The following NRXN3 variants were observed in gnomAD, a reference collection of about 807,000 sequenced individuals.
NRXN3 encodes neurexin 3, also known as neurexin III.
Under a neutral mutation model 137.6 loss-of-function variants are expected in NRXN3, and 32 were observed. The observed-to-expected ratio is 0.23, with a 90% CI of 0.18 to 0.31. The LOEUF (loss-of-function observed/expected upper bound fraction) is 0.31. Ranked by LOEUF, NRXN3 falls within the 10% of genes least tolerant of loss-of-function variation. The pLI is 1.00. For missense variants in NRXN3, 1,574 were observed against 2,062.5 expected (o/e 0.76, Z 4.59); for synonymous variants, 798 against 784.5 (o/e 1.02, Z -0.29).
At chr14:79,437,501 C>T (rs548157074) in intron 15 of NRXN3, among the ~76,000 whole-genome samples, 1 of 152,098 alleles carries the variant, frequency 6.6e-6, no homozygotes, top group South Asian at 2.1e-4. Flanking sequence ...TTTGCATTGT[C>T]TTTGCTGCAG....
At chr14:79,753,468 G>A (rs958366644) in intron 19 of NRXN3, among the ~76,000 whole-genome samples, 13 of 149,766 alleles carry the variant, frequency 8.7e-5, no homozygotes, top group African/African-American at 3.2e-4. Context: ...ACTATCGCAA[G>A]GACAAAAAAC....
At chr14:79,489,432 T>C (rs1403080425) in intron 16 of NRXN3, among the ~76,000 whole-genome samples, 2 of 152,124 alleles carry the variant, frequency 1.3e-5, no homozygotes, top group East Asian at 3.9e-4. Context: ...CACACCTTGC[T>C]CCTGACTGAG....
chr14:79,809,458 A>T (rs536733087), intron 20 of NRXN3, among the ~76,000 whole-genome samples: 89 of 152,136 alleles, frequency 5.9e-4, no homozygotes, highest in African/African-American at 2.1e-3. Flanking sequence ...ATTTTTTTTT[A>T]ACAAAGTTAT....
intron 15 of NRXN3, among the ~76,000 whole-genome samples, chr14:79,254,568 G>A (rs1719667253): frequency 6.6e-6 from 1 of 152,190 alleles, no homozygotes; most frequent in African/African-American, 2.4e-5. Context: ...TTGACATTGT[G>A]CTGAACAGCT....
intron 10 of NRXN3, among the ~76,000 whole-genome samples, chr14:78,902,245 C>T (rs1337434646): frequency 2.6e-5 from 4 of 152,190 alleles, no homozygotes; most frequent in Admixed American, 1.3e-4. Context: ...AGACACGCCT[C>T]ACTTTCTGTG....
At chr14:78,378,375 C>T (rs117231681) in intron 4 of NRXN3, among the ~76,000 whole-genome samples, 4 of 151,878 alleles carry the variant, frequency 2.6e-5, no homozygotes, top group East Asian at 3.9e-4. Context: ...GTTCCAGCTA[C>T]TCAGGAGGCT....
chr14:78,216,538 C>G (rs565610908), intron 1 of NRXN3, among the ~76,000 whole-genome samples: 2 of 152,278 alleles, frequency 1.3e-5, no homozygotes, highest in Non-Finnish European at 2.9e-5. Context: ...AGCCCCTGAG[C>G]TTCCCTGTGG....
At chr14:79,199,405 A>G (rs1365917842) in intron 15 of NRXN3, among the ~76,000 whole-genome samples, 2 of 152,158 alleles carry the variant, frequency 1.3e-5, no homozygotes, top group African/African-American at 4.8e-5. Context: ...TGTGTTTGTG[A>G]TTGTGCTGAT....
chr14:79,694,863 A>G (rs1435749241), intron 18 of NRXN3, among the ~76,000 whole-genome samples: 1 of 151,990 alleles, frequency 6.6e-6, no homozygotes, highest in Non-Finnish European at 1.5e-5. Context: ...GGGTTTTACT[A>G]CAGCAGAAGA....
At chr14:79,115,257 G>C (rs991753744) in intron 15 of NRXN3, among the ~76,000 whole-genome samples, 1 of 151,112 alleles carries the variant, frequency 6.6e-6, no homozygotes, top group Non-Finnish European at 1.5e-5. Context: ...CCTGGGAGAC[G>C]GAGGCTGCGG....
intron 16 of NRXN3, among the ~76,000 whole-genome samples, chr14:79,660,474 A>T (rs1466919246): frequency 6.6e-6 from 1 of 152,266 alleles, no homozygotes; most frequent in South Asian, 2.1e-4. Flanking sequence ...TCCCAGAAAC[A>T]CTGATTACAA....
intron 16 of NRXN3, among the ~76,000 whole-genome samples, chr14:79,610,567 G>A (rs1197625946): frequency 6.6e-6 from 1 of 152,176 alleles, no homozygotes; most frequent in Non-Finnish European, 1.5e-5. Flanking sequence ...AGGTCAGAAA[G>A]CATTTCTCAT....
chr14:78,273,619 T>C (rs2073125342), intron 2 of NRXN3, among the ~76,000 whole-genome samples: 1 of 152,170 alleles, frequency 6.6e-6, no homozygotes, highest in Admixed American at 6.5e-5. Flanking sequence ...GGTCTGTGTA[T>C]GGAGGAGCAG....
intron 1 of NRXN3, among the ~76,000 whole-genome samples, chr14:78,194,702 GA>G (rs2061064455): frequency 1.3e-5 from 2 of 152,312 alleles, no homozygotes; most frequent in South Asian, 4.1e-4. Context: ...AGGGGCTCCA[GA>G]GGCGGATGGC....
intron 4 of NRXN3, among the ~76,000 whole-genome samples, chr14:78,468,043 C>A (rs1171014225): frequency 6.6e-6 from 1 of 152,166 alleles, no homozygotes; most frequent in East Asian, 1.9e-4. Flanking sequence ...CCTGCCTCAG[C>A]CTCCTGAGTA....
chr14:79,595,816 G>C (rs2153827346), intron 16 of NRXN3, among the ~76,000 whole-genome samples: 1 of 152,196 alleles, frequency 6.6e-6, no homozygotes, highest in South Asian at 2.1e-4. Flanking sequence ...GTGAATCCTT[G>C]GAAATTCGTA....
At chr14:79,167,468 A>C (rs1267665043) in intron 15 of NRXN3, among the ~76,000 whole-genome samples, 1 of 152,036 alleles carries the variant, frequency 6.6e-6, no homozygotes, top group Non-Finnish European at 1.5e-5. Context: ...ACAGTTTATG[A>C]TGGATGACCA....
intron 1 of NRXN3, among the ~76,000 whole-genome samples, chr14:78,192,698 G>A (rs1424509818): frequency 6.6e-6 from 1 of 152,112 alleles, no homozygotes; most frequent in Non-Finnish European, 1.5e-5. Flanking sequence ...GCCATCAGAC[G>A]CTTGGCACCG....
At chr14:79,434,875 T>A (rs2095819382) in intron 15 of NRXN3, among the ~76,000 whole-genome samples, 2 of 152,178 alleles carry the variant, frequency 1.3e-5, no homozygotes, top group African/African-American at 4.8e-5. Flanking sequence ...GATCTGAGTC[T>A]TTGTACCTCC....
Sources: gnomAD v4.1 joint callset for allele counts (sites outside exome capture counted in the v4.1 genomes callset) on GRCh38, gnomAD v4.1.1 for gene constraint, MANE v1.5 for transcripts, NCBI Gene and HGNC (gene_info 2026-07-23, HGNC 2026-07-21) for gene names.